The following KSR2 variants were observed in gnomAD, a reference collection of about 807,000 sequenced individuals.
KSR2 encodes the protein kinase suppressor of ras 2.
Under a neutral mutation model 107.8 loss-of-function variants are expected in KSR2, and 25 were observed. The ratio of observed to expected loss-of-function variants is 0.23; its 90% confidence interval spans 0.17 to 0.32. The LOEUF (loss-of-function observed/expected upper bound fraction) is 0.32. Among genes scored for constraint, KSR2 ranks in the 10% least tolerant of loss-of-function variants. The pLI, the probability that KSR2 is intolerant of heterozygous loss-of-function variation, is 1.00. For missense variants in KSR2, 887 were observed against 1,268.9 expected (o/e 0.70, Z 4.57); for synonymous variants, 480 against 507.0 (o/e 0.95, Z 0.71).
At chr12:117,652,320 T>C (rs1400253330) in intron 5 of KSR2, among the ~76,000 whole-genome samples, 1 of 151,238 alleles carries the variant, frequency 6.6e-6, no homozygotes, top group Non-Finnish European at 1.5e-5. Context: ...AAAATAAAAA[T>C]AATAATAATT....
At chr12:117,822,594 A>T (rs116046715) in intron 3 of KSR2, among the ~76,000 whole-genome samples, 2,408 of 152,346 alleles carry the variant, frequency 0.016, 71 homozygotes, top group African/African-American at 0.055. Context: ...CTTACTGATA[A>T]TATGAAGTCA....
At chr12:117,744,352 T>G (rs1888325073) in intron 4 of KSR2, among the ~76,000 whole-genome samples, 3 of 152,166 alleles carry the variant, frequency 2.0e-5, no homozygotes, top group Non-Finnish European at 4.4e-5. Context: ...GAACATAAAG[T>G]GATAATCTTC....
chr12:117,494,246 A>T (rs1391599776), intron 14 of KSR2, among the ~76,000 whole-genome samples: 1 of 152,180 alleles, frequency 6.6e-6, no homozygotes, highest in Non-Finnish European at 1.5e-5. Context: ...CCTTTGCCAC[A>T]GTCCTCACCA....
intron 1 of KSR2, among the ~76,000 whole-genome samples, chr12:117,944,763 T>C (rs11068755): frequency 0.39 from 59,379 of 151,438 alleles, 12,018 homozygotes; most frequent in African/African-American, 0.48. Flanking sequence ...AAGGCTGAAA[T>C]GAGAGGATCG....
chr12:117,941,074 G>C (rs1895990271), intron 1 of KSR2, among the ~76,000 whole-genome samples: 1 of 152,100 alleles, frequency 6.6e-6, no homozygotes, highest in Admixed American at 6.6e-5. Flanking sequence ...GACAGAGCAA[G>C]ATTGTGTCTC....
At chr12:117,497,405 A>C (rs903450221) in intron 14 of KSR2, among the ~76,000 whole-genome samples, 1 of 152,080 alleles carries the variant, frequency 6.6e-6, no homozygotes, top group Non-Finnish European at 1.5e-5. Context: ...TTCCCACTAC[A>C]TTGTGTTCTT....
chr12:117,676,416 G>A (rs1178778840), intron 4 of KSR2, among the ~76,000 whole-genome samples: 8 of 152,134 alleles, frequency 5.3e-5, no homozygotes, highest in East Asian at 1.9e-4. Flanking sequence ...GCCTTTGCAC[G>A]TCAAATCTAT....
intron 4 of KSR2, among the ~76,000 whole-genome samples, chr12:117,725,808 A>G (rs1887402289): frequency 6.6e-6 from 1 of 152,128 alleles, no homozygotes; most frequent in African/African-American, 2.4e-5. Flanking sequence ...TTAGCCAGGC[A>G]TGGTGGTGCA....
chr12:117,570,163 C>A (rs1239139405), intron 7 of KSR2, among the ~76,000 whole-genome samples: 1 of 152,236 alleles, frequency 6.6e-6, no homozygotes, highest in South Asian at 2.1e-4. Flanking sequence ...CCACCGCGCC[C>A]GGCTAATTTT....
chr12:117,578,872 C>G (rs1403444748), intron 7 of KSR2, among the ~76,000 whole-genome samples: 3 of 152,220 alleles, frequency 2.0e-5, no homozygotes, highest in Non-Finnish European at 2.9e-5. Context: ...AGAAGTATCA[C>G]TGTGCCTCAG....
intron 1 of KSR2, among the ~76,000 whole-genome samples, chr12:117,908,411 C>T (rs769710092): frequency 7.9e-5 from 12 of 152,014 alleles, no homozygotes; most frequent in African/African-American, 2.4e-5. Context: ...CTTTAAGGAA[C>T]CTCATCAAAA....
chr12:117,623,209 C>T (rs991311234), intron 5 of KSR2, among the ~76,000 whole-genome samples: 1 of 152,174 alleles, frequency 6.6e-6, no homozygotes, highest in African/African-American at 2.4e-5. Flanking sequence ...CACATTTATA[C>T]ATTTACTTAT....
At chr12:117,634,041 C>T (rs114331244) in intron 5 of KSR2, among the ~76,000 whole-genome samples, 2,567 of 152,258 alleles carry the variant, frequency 0.017, 67 homozygotes, top group African/African-American at 0.057. Context: ...TCCATAAAGG[C>T]GGACGCTGTG....
chr12:117,772,003 C>T (rs1889474462), intron 3 of KSR2, among the ~76,000 whole-genome samples: 1 of 145,510 alleles, frequency 6.9e-6, no homozygotes, highest in South Asian at 2.3e-4. Context: ...CCCAAAGATG[C>T]ACAAACACAC....
At chr12:117,593,258 C>T (rs1317814960) in intron 5 of KSR2, among the ~76,000 whole-genome samples, 2 of 152,228 alleles carry the variant, frequency 1.3e-5, no homozygotes, top group East Asian at 3.9e-4. Flanking sequence ...ACAGAGGCCC[C>T]ACACTGCCAT....
At chr12:117,563,643 G>A (rs1358361660) in intron 7 of KSR2, among the ~76,000 whole-genome samples, 1 of 152,176 alleles carries the variant, frequency 6.6e-6, no homozygotes, top group South Asian at 2.1e-4. Context: ...TTGCTAGTTT[G>A]TGCAGCAGCT....
intron 5 of KSR2, among the ~76,000 whole-genome samples, chr12:117,640,981 C>G (rs1476669420): frequency 6.6e-6 from 1 of 151,824 alleles, no homozygotes; most frequent in Admixed American, 6.6e-5. Context: ...AAGACATGCC[C>G]CTGATAGACA....
At chr12:117,599,335 C>T (rs954238538) in intron 5 of KSR2, among the ~76,000 whole-genome samples, 13 of 152,184 alleles carry the variant, frequency 8.5e-5, no homozygotes, top group African/African-American at 1.4e-4. Flanking sequence ...CCAAACTTCA[C>T]GCATCAGATT....
intron 3 of KSR2, among the ~76,000 whole-genome samples, chr12:117,783,017 A>T (rs1272517372): frequency 1.3e-5 from 2 of 152,176 alleles, no homozygotes; most frequent in African/African-American, 4.8e-5. Flanking sequence ...TTCACCAAGG[A>T]CTGAACTTAA....
Sources: gnomAD v4.1 joint callset for allele counts (sites outside exome capture counted in the v4.1 genomes callset) on GRCh38, gnomAD v4.1.1 for gene constraint, MANE v1.5 for transcripts, NCBI Gene and HGNC (gene_info 2026-07-23, HGNC 2026-07-21) for gene names.